The following MYPN variants were observed in gnomAD, a reference collection of about 807,000 sequenced individuals.
MYPN encodes sarcomeric protein myopalladin, 145 kDa (MYOP).
In MYPN, 63 loss-of-function variants were observed where a neutral mutation model predicts 129.4. The ratio of observed to expected loss-of-function variants is 0.49; its 90% CI spans 0.40 to 0.60. The LOEUF is 0.60. MYPN is among the 20% of genes least tolerant of loss of function. The pLI is 0.00. For synonymous variants in MYPN, 629 were observed against 600.9 expected (o/e 1.05, Z -0.68); for missense variants, 1,596 against 1,635.4 (o/e 0.98, Z 0.42).
At chr10:68,121,305 G>A in intron 1 of MYPN, 133 bp from the exon 2 acceptor site, 1 of 797,500 alleles carries the variant, frequency 1.3e-6, no homozygotes, top group East Asian at 2.8e-5. Context: ...TTAAAAGTTT[G>A]TAAAAGTATT....
chr10:68,169,705 G>A (rs1007374627), intron 10 of MYPN, among the ~76,000 whole-genome samples: 12 of 151,820 alleles, frequency 7.9e-5, no homozygotes, highest in Admixed American at 5.3e-4. Context: ...CTACAGTTCA[G>A]GCAGTCAGAA....
chr10:68,192,104 T>C (rs2043523251), intron 13 of MYPN, among the ~76,000 whole-genome samples: 1 of 152,206 alleles, frequency 6.6e-6, no homozygotes, highest in Admixed American at 6.5e-5. Flanking sequence ...AGGCTTTCAA[T>C]TTTTCCCTGT....
chr10:68,132,304 A>T (rs577609087), intron 2 of MYPN, among the ~76,000 whole-genome samples: 1 of 152,272 alleles, frequency 6.6e-6, no homozygotes, highest in South Asian at 2.1e-4. Flanking sequence ...TGATTTTATA[A>T]TGTTAAACCA....
At position 68,175,401 on chromosome 10, in the gene MYPN, C is replaced by T. The variant is rs777342412; in HGVS notation, c.2643C>T (p.Asn881=). 25 of 1,613,964 alleles carry T rather than the reference C, an allele frequency of 1.5e-5. No individual in the cohort carries two copies. Among genetic ancestry groups the T allele is most frequent in the Admixed American group, 6.7e-5 (4 of 59,984 alleles). The change falls in exon 12 of 20, where the codon AAC becomes AAT. Residue 881 remains asparagine (N), a synonymous_variant. Transcript: ENST00000358913. The part of the protein sequence containing the change: ...VNDDNIRETK[N]AVIRDLGKKI... ...ATGATAACATTCGTGAAACTAAGAA[C>T]GCAGTGATTCGAGACTTGGGGAAAA...
chr10:68,186,731 T>C (rs939667712), intron 12 of MYPN, among the ~76,000 whole-genome samples: 7 of 152,116 alleles, frequency 4.6e-5, no homozygotes, highest in Non-Finnish European at 7.4e-5. Flanking sequence ...GCTGTCAATA[T>C]AGGGAGAAGG....
chr10:68,181,798 G>A (rs1377188107), intron 12 of MYPN, among the ~76,000 whole-genome samples: 4 of 152,028 alleles, frequency 2.6e-5, no homozygotes, highest in African/African-American at 4.8e-5. Context: ...CAGGCAGGGG[G>A]CAGATGGCAA....
intron 12 of MYPN, among the ~76,000 whole-genome samples, chr10:68,178,032 A>G (rs1256203186): frequency 2.0e-5 from 3 of 152,188 alleles, no homozygotes; most frequent in Admixed American, 6.5e-5. Context: ...CCAGAACTCA[A>G]ATTTATAAAT....
In MYPN at chr10:68,175,500, T is replaced by C. The variant is rs1306635007; in HGVS notation, c.2703+39T>C. ...ATTTAGAAGGTTTATTGAAATTTTATTGTAAGGAATTTAATTTTGCTTGAT... is the reference window on the plus strand; with the variant it reads ...ATTTAGAAGGTTTATTGAAATTTTACTGTAAGGAATTTAATTTTGCTTGAT... On this transcript the variant is annotated intron_variant, in intron 12 of 19. Coordinates refer to ENST00000358913, the MANE Select transcript of MYPN (RefSeq NM_032578.4). The C allele has an allele frequency of 2.5e-6, 4 of 1,610,196 alleles. No homozygotes were observed. The East Asian group carries it at 6.7e-5, about 27-fold the overall frequency.
chr10:68,187,813 G>A (rs10997998), intron 12 of MYPN, among the ~76,000 whole-genome samples: 7,927 of 152,238 alleles, frequency 0.052, 241 homozygotes, highest in Middle Eastern at 0.065. Flanking sequence ...CCAGTATGGT[G>A]TGTCACGGAA....
At chr10:68,153,457 T>C (rs1360102672) in intron 6 of MYPN, among the ~76,000 whole-genome samples, 2 of 152,196 alleles carry the variant, frequency 1.3e-5, no homozygotes, top group Admixed American at 6.5e-5. Flanking sequence ...TCACATACTT[T>C]GTTTGTTAGA....
intron 2 of MYPN, chr10:68,136,775 A>G: frequency 6.6e-7 from 1 of 1,507,266 alleles, no homozygotes; most frequent in South Asian, 1.2e-5. Flanking sequence ...ATAATCCTAT[A>G]ATGTTTGTAT....
rs1194406367 is a variant in MYPN at position 68,148,357 on chromosome 10, C to G, written c.1135C>G (p.Gln379Glu). ...DPNKEEMNRI[Q>E]KPNEVSSPPT... ...TATATTTTAATAATTTCTCAGAATCCAGAAGCCAAATGAGGTGTCATCTCC... is the reference window on the plus strand; with the variant it reads ...TATATTTTAATAATTTCTCAGAATCGAGAAGCCAAATGAGGTGTCATCTCC... Residue 379 changes from glutamine (Q) to glutamate (E), a missense_variant, in exon 5 of 20, where the codon CAG becomes GAG. Transcript: ENST00000358913. The G allele has an allele frequency of 1.9e-6, 3 of 1,611,766 alleles. No individual in the cohort carries two copies. Among genetic ancestry groups the G allele is most frequent in the African/African-American group, 2.7e-5 (2 of 74,906 alleles).
At chr10:68,149,965 A>G (rs1589558462) in intron 5 of MYPN, 75 bp from the exon 6 acceptor site, 1 of 1,358,344 alleles carries the variant, frequency 7.4e-7, no homozygotes, top group Non-Finnish European at 1.1e-6. Context: ...ACCAAATTCT[A>G]TAGGTTTGTT....
chr10:68,166,566 C>T lies in MYPN; in HGVS notation c.1873C>T (p.Pro625Ser). Residue 625 changes from proline (P) to serine (S), a missense_variant, in exon 10 of 20, where the codon CCC becomes TCC. By Grantham distance (74) the Pro-to-Ser change is moderately conservative. Transcript: ENST00000358913. ...AGVVTTRQTR[P>S]DSFQERFNGQ... is the part of the protein sequence containing the mutation. ...TGTGGTGACCACCAGACAGACCAGGCCCGATTCTTTCCAGGAGAGGTTCAA... is the reference window on the plus strand; with the variant it reads ...TGTGGTGACCACCAGACAGACCAGGTCCGATTCTTTCCAGGAGAGGTTCAA... 1 of 1,614,136 alleles carries T rather than the reference C, an allele frequency of 6.2e-7. No individual in the cohort carries two copies. The highest frequency in any genetic ancestry group is 1.6e-4 in the Middle Eastern group (1 of 6,062).
chr10:68,118,613 C>T (rs2042191602), intron 1 of MYPN, among the ~76,000 whole-genome samples: 1 of 152,070 alleles, frequency 6.6e-6, no homozygotes, highest in Admixed American at 6.6e-5. Flanking sequence ...GGGAGGATCA[C>T]TTGAGGTTCT....
chr10:68,196,266 A>G (rs1016948135), intron 15 of MYPN, among the ~76,000 whole-genome samples: 3 of 152,198 alleles, frequency 2.0e-5, no homozygotes, highest in Admixed American at 2.0e-4. Flanking sequence ...TGTTGTCTCC[A>G]ATACAACAAC....
intron 18 of MYPN, among the ~76,000 whole-genome samples, chr10:68,203,617 C>T (rs2043755591): frequency 6.6e-6 from 1 of 151,684 alleles, no homozygotes; most frequent in South Asian, 2.1e-4. Context: ...TATTTTGATA[C>T]TTTAAACTCA....
intron 12 of MYPN, among the ~76,000 whole-genome samples, chr10:68,183,716 C>T (rs941484779): frequency 2.0e-5 from 3 of 152,122 alleles, no homozygotes; most frequent in African/African-American, 7.2e-5. Context: ...AAGGTTAAGA[C>T]CTCTTGCTTA....
intron 2 of MYPN, chr10:68,136,844 T>A (rs1219666980): frequency 2.6e-6 from 3 of 1,170,138 alleles, no homozygotes; most frequent in Non-Finnish European, 3.5e-6. Context: ...GTTAATAGAG[T>A]TACATTGCTT....
Sources: gnomAD v4.1 joint callset for allele counts (sites outside exome capture counted in the v4.1 genomes callset) on GRCh38, gnomAD v4.1.1 for gene constraint, MANE v1.5 for transcripts, NCBI Gene and HGNC (gene_info 2026-07-23, HGNC 2026-07-21) for gene names.